Variants in WNK2 observed in about 807,000 individuals in gnomAD.
The protein encoded by WNK2 is serine/threonine-protein kinase WNK2.
Under a neutral mutation model 192.1 loss-of-function variants are expected in WNK2, and 67 were observed. The ratio of observed to expected loss-of-function variants is 0.35; its 90% CI spans 0.29 to 0.43. WNK2 has a LOEUF of 0.43. Among genes scored for constraint, WNK2 ranks in the 20% least tolerant of loss-of-function variants. The pLI, the probability that WNK2 is intolerant of heterozygous loss-of-function variation, is 1.00. For missense variants in WNK2, 2,698 were observed against 3,089.7 expected (o/e 0.87, Z 3.01); for synonymous variants, 1,439 against 1,393.9 (o/e 1.03, Z -0.72).
chr9:93,293,060 C>G lies in WNK2; in HGVS notation c.5595C>G (p.Val1865=). The G allele has an allele frequency of 6.2e-7, 1 of 1,610,790 alleles. No individual in the cohort carries two copies. The highest frequency in any genetic ancestry group is 8.5e-7 in the Non-Finnish European group (1 of 1,178,810). Residue 1865 remains valine (V), a synonymous_variant, in exon 23 of 30, where the codon GTC becomes GTG. Transcript: ENST00000427277. ...PETPSRVGMK[V]PTISVTSFHS... ...CACCCAGCAGGGTGGGCATGAAGGT[C>G]CCCACGATCAGCGTGACCTCCTTCC...
At chr9:93,265,859 T>C (rs1195948567) in intron 16 of WNK2, among the ~76,000 whole-genome samples, 1 of 152,218 alleles carries the variant, frequency 6.6e-6, no homozygotes, top group African/African-American at 2.4e-5. Context: ...TGTGAGTCTT[T>C]GTGAGCTGCA....
chr9:93,193,410 G>T (rs1830684871), intron 2 of WNK2, among the ~76,000 whole-genome samples: 1 of 152,168 alleles, frequency 6.6e-6, no homozygotes, highest in Non-Finnish European at 1.5e-5. Flanking sequence ...CACCCGTCTT[G>T]CTCCCCCTGC....
Position 93,257,179 on chromosome 9 carries a change from G to T in WNK2, c.2382+40G>T. 6.3e-7 allele frequency: 1 copy of T among 1,579,154 alleles called. No homozygotes were observed. Among genetic ancestry groups the T allele is most frequent in the Non-Finnish European group, 8.6e-7 (1 of 1,168,554 alleles). ...ATGGCTGCCGTCAGTGGTGGCGCACGCTTTGCCAGGCCCTGGCTGGTGCAC... is the reference window on the plus strand; with the variant it reads ...ATGGCTGCCGTCAGTGGTGGCGCACTCTTTGCCAGGCCCTGGCTGGTGCAC... On this transcript the variant is annotated intron_variant, in intron 11 of 29. Transcript: ENST00000427277. This position sits in a 1 kb window ranked among gnomAD's most constrained non-coding sequence, Gnocchi z 4.7.
chr9:93,292,944 C>A lies in WNK2; in HGVS notation c.5479C>A (p.Pro1827Thr). The change falls in exon 23 of 30, where the codon CCC (proline) becomes ACC (threonine). Residue 1827 changes from proline to threonine, a missense_variant. By Grantham distance (38) the Pro-to-Thr change is conservative (BLOSUM62 -1). Around this residue, in one of 7 missense-constraint regions of WNK2, gnomAD observed 1,098 missense variants for 1,101.0 expected, o/e 1.00. Coordinates refer to ENST00000427277, the MANE Select transcript of WNK2 (RefSeq NM_006648.4). ...CCCGGTGCAGAAGCAGGCGTCCCTG[C>A]CCGTGAGTGGCAGCGTGGCTGGCGA... ...RPPVQKQASLPVSGSVAGDFV... is the reference protein window; with the variant it reads ...RPPVQKQASLTVSGSVAGDFV... 1 of 1,533,342 alleles carries A rather than the reference C, an allele frequency of 6.5e-7. No homozygotes were observed. The highest frequency in any genetic ancestry group is 8.8e-7 in the Non-Finnish European group (1 of 1,140,864). 95.0% of individuals were successfully genotyped at this position (1,533,342 alleles called of 1,614,324 possible).
At chr9:93,214,848 C>T (rs924939501) in intron 2 of WNK2, among the ~76,000 whole-genome samples, 2 of 151,710 alleles carry the variant, frequency 1.3e-5, no homozygotes, top group Non-Finnish European at 2.9e-5. Flanking sequence ...CTATGGGTGT[C>T]TTGCTTCAAT....
chr9:93,266,506 T>G (rs934477808), intron 16 of WNK2, among the ~76,000 whole-genome samples: 2 of 152,242 alleles, frequency 1.3e-5, no homozygotes, highest in African/African-American at 2.4e-5. Context: ...TTCAGTTTTG[T>G]TTAGTGAAAA....
rs757923609 is a variant in WNK2, at chr9:93,257,114, A to C, written c.2357A>C (p.Gln786Pro). Residue 786 changes from glutamine (Q) to proline (P), a missense_variant, in exon 11 of 30, where the codon CAG becomes CCG. This residue lies in a region of WNK2 where 893 missense variants were observed against 909.0 expected (regional missense o/e 0.98). Transcript: ENST00000427277. The surrounding 1 kb of genome is among the most constrained non-coding windows in gnomAD (Gnocchi z 4.7). The stretch of plus-strand genomic sequence containing the variant: ...CTCCAGATGCCACAGGCGCCCCTGC[A>C]GCCGCTTGCTCAAGTCCCTCCGCAG... Reference protein sequence around the residue: ...KPLQMPQAPLQPLAQVPPQMP... With the variant: ...KPLQMPQAPLPPLAQVPPQMP... The C allele has an allele frequency of 6.2e-7, 1 of 1,609,056 alleles. No homozygotes were observed. Among genetic ancestry groups the C allele is most frequent in the Non-Finnish European group, 8.5e-7 (1 of 1,179,066 alleles).
chr9:93,185,715 C>G, intron 2 of WNK2, 105 bp downstream of exon 2: 1 of 1,336,668 alleles, frequency 7.5e-7, no homozygotes, highest in Non-Finnish European at 1.0e-6. Context: ...GCCCTGGGGG[C>G]GGCGGGGCTC....
intron 9 of WNK2, among the ~76,000 whole-genome samples, chr9:93,253,803 A>C (rs1229117638): frequency 6.6e-6 from 1 of 152,198 alleles, no homozygotes; most frequent in African/African-American, 2.4e-5. Context: ...TTTGATTTTT[A>C]AAAAACACTT....
chr9:93,284,147 G>A (rs565333155), intron 19 of WNK2, among the ~76,000 whole-genome samples: 34 of 152,188 alleles, frequency 2.2e-4, no homozygotes, highest in Non-Finnish European at 4.0e-4. Flanking sequence ...ATACTTAAGT[G>A]AGAAATAATT....
At chr9:93,244,307 G>A (rs999951745) in intron 7 of WNK2, among the ~76,000 whole-genome samples, 6 of 152,296 alleles carry the variant, frequency 3.9e-5, no homozygotes, top group African/African-American at 1.4e-4. Flanking sequence ...ATGAAATAGC[G>A]GGCTCTGTGG....
rs187344753 is a variant in WNK2 at position 93,270,148 on chromosome 9, G to A, written c.4033+1402G>A. On this transcript the variant is annotated intron_variant, in intron 19 of 29. Coordinates refer to ENST00000427277, the MANE Select transcript of WNK2 (RefSeq NM_006648.4). ...GCCCTGAGGGTGGTCCTGCTGAAGC[G>A]CTGTACTGGAGAAGGAAGGACTAGC... 3.0e-4 allele frequency among the ~76,000 whole-genome samples: 45 copies of A among 152,298 alleles called. 1 individual carries two copies. The East Asian group carries it at 7.7e-3, about 26-fold the overall frequency.
At chr9:93,290,078 CA>C in intron 21 of WNK2, 31 bp downstream of exon 21, 3 of 1,549,074 alleles carry the variant, frequency 1.9e-6, no homozygotes, top group Non-Finnish European at 2.6e-6. Flanking sequence ...CCTGCGTTCA[CA>C]AGGTGCTGCC....
chr9:93,230,538 A>G (rs1001862810), intron 3 of WNK2, among the ~76,000 whole-genome samples: 7 of 152,026 alleles, frequency 4.6e-5, no homozygotes, highest in African/African-American at 1.7e-4. Context: ...TCACCCCCTC[A>G]CCTGAGCATC....
At chr9:93,214,871 G>A (rs181786057) in intron 2 of WNK2, among the ~76,000 whole-genome samples, 180 of 151,364 alleles carry the variant, frequency 1.2e-3, no homozygotes, top group African/African-American at 4.0e-3. Context: ...TAGAAAATGT[G>A]GTGGCATTAT....
Position 93,259,711 on chromosome 9 carries a change from C to A in WNK2, c.3066+97C>A, listed in dbSNP as rs1258776580. ...GGACAGAGGCAGGCAAGGAGGCAGCCCTGCCTGGGGTCGCCCCTCTCAGGA... is the reference window on the plus strand; with the variant it reads ...GGACAGAGGCAGGCAAGGAGGCAGCACTGCCTGGGGTCGCCCCTCTCAGGA... On this transcript the variant is annotated intron_variant, in intron 12 of 29. Transcript: ENST00000427277. This position sits in a 1 kb window ranked among gnomAD's most constrained non-coding sequence, Gnocchi z 4.8. The A allele has an allele frequency of 2.4e-6, 3 of 1,232,762 alleles. No individual in the cohort carries two copies. The highest frequency in any genetic ancestry group is 3.3e-6 in the Non-Finnish European group (3 of 914,400). 76.4% of individuals were successfully genotyped at this position (1,232,762 alleles called of 1,614,324 possible). A position where few individuals can be genotyped will look rare whatever the true frequency, so the allele number is the denominator to read the frequency against.
intron 29 of WNK2, chr9:93,319,349 G>A (rs1299403440): frequency 9.4e-6 from 13 of 1,385,380 alleles, no homozygotes; most frequent in Admixed American, 8.8e-5. Context: ...GAGGGGCTGC[G>A]GGTGCTGGGC....
intron 26 of WNK2, among the ~76,000 whole-genome samples, chr9:93,304,338 C>G (rs899044193): frequency 6.6e-6 from 1 of 152,342 alleles, no homozygotes; most frequent in East Asian, 1.9e-4. Context: ...CAGGAGATGC[C>G]AAGTCCAAGA....
At chr9:93,235,034 C>A in intron 5 of WNK2, 69 bp downstream of exon 5, 1 of 1,561,654 alleles carries the variant, frequency 6.4e-7, no homozygotes. Context: ...CTGGGCTGGG[C>A]TCCATGTGGC....
Sources: gnomAD v4.1 joint callset for allele counts (sites outside exome capture counted in the v4.1 genomes callset) on GRCh38, gnomAD v4.1.1 for gene constraint, gnomAD v4.1.1 regional missense constraint, Gnocchi (gnomAD v3.1) non-coding constraint, MANE v1.5 for transcripts, NCBI Gene and HGNC (gene_info 2026-07-23, HGNC 2026-07-21) for gene names.